PRKG2: variants seen among roughly 807,000 people sequenced by gnomAD.
The protein encoded by PRKG2 is protein kinase cGMP-dependent 2.
Under a neutral mutation model 97.2 loss-of-function variants are expected in PRKG2, and 33 were observed. That is an observed-to-expected ratio of 0.34 (90% confidence interval 0.26 to 0.45). PRKG2 has a LOEUF of 0.45. Ranked by LOEUF, PRKG2 falls within the 20% of genes least tolerant of loss-of-function variation. The pLI is 1.00. For synonymous variants in PRKG2, 330 were observed against 321.8 expected (o/e 1.03, Z -0.27); for missense variants, 638 against 900.0 (o/e 0.71, Z 3.73).
At chr4:81,180,504 A>G (rs1291864768) in intron 2 of PRKG2, among the ~76,000 whole-genome samples, 3 of 152,204 alleles carry the variant, frequency 2.0e-5, no homozygotes, top group African/African-American at 2.4e-5. Context: ...ACAGGAAAGT[A>G]GACCTTAATA....
At chr4:81,150,946 C>G (rs1038456481) in intron 8 of PRKG2, among the ~76,000 whole-genome samples, 1 of 152,050 alleles carries the variant, frequency 6.6e-6, no homozygotes, top group East Asian at 1.9e-4. Context: ...CTTTAAATCC[C>G]ACTTTTAAAT....
chr4:81,205,737 C>A (rs34465103), intron 1 of PRKG2, among the ~76,000 whole-genome samples: 128 of 152,252 alleles, frequency 8.4e-4, no homozygotes, highest in African/African-American at 3.0e-3. Context: ...CCAAAATGTA[C>A]GACCCATGCT....
At chr4:81,157,924 G>A (rs932693728) in intron 6 of PRKG2, among the ~76,000 whole-genome samples, 8 of 147,146 alleles carry the variant, frequency 5.4e-5, no homozygotes, top group East Asian at 3.9e-4. Flanking sequence ...TTGATGGGAC[G>A]TATCTCAAAA....
intron 6 of PRKG2, among the ~76,000 whole-genome samples, chr4:81,165,153 A>G (rs760945043): frequency 1.3e-5 from 2 of 152,160 alleles, no homozygotes; most frequent in Non-Finnish European, 2.9e-5. Context: ...ACACAAGAAG[A>G]GGCTTAAAGG....
At chr4:81,165,922 G>C (rs1425067515) in intron 6 of PRKG2, among the ~76,000 whole-genome samples, 3 of 151,154 alleles carry the variant, frequency 2.0e-5, no homozygotes, top group Non-Finnish European at 4.4e-5. Flanking sequence ...AGATTTCCTT[G>C]GTTAACAAAA....
chr4:81,099,751 T>C (rs2109957705), intron 17 of PRKG2, among the ~76,000 whole-genome samples: 1 of 152,172 alleles, frequency 6.6e-6, no homozygotes, highest in Admixed American at 6.6e-5. Context: ...GGTATTCAAT[T>C]AGGAAAAGAG....
intron 14 of PRKG2, among the ~76,000 whole-genome samples, chr4:81,116,778 G>A (rs1303227227): frequency 1.3e-5 from 2 of 151,714 alleles, no homozygotes; most frequent in Non-Finnish European, 2.9e-5. Context: ...GTGATGTTGA[G>A]CATTTTTTTC....
chr4:81,186,819 A>G (rs1751924715), intron 2 of PRKG2, among the ~76,000 whole-genome samples: 1 of 152,184 alleles, frequency 6.6e-6, no homozygotes, highest in Admixed American at 6.5e-5. Context: ...CATAAATACA[A>G]ACTACCATCA....
At chr4:81,205,109 A>ACAGTCCCCACCATTCCTC in intron 1 of PRKG2, 49 bp from the exon 2 acceptor site, 1 of 1,155,602 alleles carries the variant, frequency 8.7e-7, no homozygotes, top group South Asian at 1.6e-5. Flanking sequence ...TCACTTCCCA[A>ACAGTCCCCACCATTCCTC]CAGTCCCCAC....
Position 81,204,570 on chromosome 4 carries a change from A to G in PRKG2, c.461+17T>C. The G allele has an allele frequency of 6.2e-7, 1 of 1,601,616 alleles. No individual in the cohort carries two copies. Among genetic ancestry groups the G allele is most frequent in the Non-Finnish European group, 8.5e-7 (1 of 1,172,302 alleles). Reference sequence around the variant, plus strand: ...TATTAAGCCCATCTGAGTTTAAAGGATGCGGAAATTTCTTACCTGGAGTCT... The same window carrying G: ...TATTAAGCCCATCTGAGTTTAAAGGGTGCGGAAATTTCTTACCTGGAGTCT... On this transcript the variant is annotated intron_variant, in intron 2 of 18. Transcript: ENST00000264399.
At chr4:81,151,344 T>G (rs1335091052) in intron 8 of PRKG2, among the ~76,000 whole-genome samples, 1 of 152,082 alleles carries the variant, frequency 6.6e-6, no homozygotes, top group African/African-American at 2.4e-5. Flanking sequence ...TGATCAGACT[T>G]GAGGTTTTAT....
At chr4:81,128,283 T>G (rs570191339) in intron 14 of PRKG2, among the ~76,000 whole-genome samples, 9 of 152,214 alleles carry the variant, frequency 5.9e-5, no homozygotes, top group Non-Finnish European at 1.2e-4. Flanking sequence ...GATATTAGCC[T>G]GAAATTTTCT....
chr4:81,214,197 C>A (rs1026974912), intron 1 of PRKG2, among the ~76,000 whole-genome samples: 3 of 150,692 alleles, frequency 2.0e-5, no homozygotes, highest in African/African-American at 7.3e-5. Context: ...AAGGAAAAAG[C>A]CCCTGGGAAC....
intron 6 of PRKG2, among the ~76,000 whole-genome samples, chr4:81,166,275 G>A (rs1353071294): frequency 1.3e-5 from 2 of 152,024 alleles, no homozygotes; most frequent in South Asian, 2.1e-4. Flanking sequence ...ACAGAGGCAT[G>A]AATCTGTCAA....
At chr4:81,144,389 A>G (rs957059580) in intron 9 of PRKG2, 59 bp from the exon 10 acceptor site, 4 of 1,361,504 alleles carry the variant, frequency 2.9e-6, no homozygotes, top group East Asian at 2.3e-5. Flanking sequence ...GCAACTTGAC[A>G]TTCTTCTAAG....
chr4:81,110,357 T>G (rs1179923012), intron 15 of PRKG2, 91 bp downstream of exon 15: 15 of 1,343,318 alleles, frequency 1.1e-5, no homozygotes, highest in Admixed American at 2.4e-5. Flanking sequence ...TTCAAAATGT[T>G]ACGCTCTTAA....
Position 81,092,426 on chromosome 4 carries a change from C to G in PRKG2, c.2153G>C (p.Gly718Ala), listed in dbSNP as rs1292504383. 2.5e-6 allele frequency: 4 copies of G among 1,589,984 alleles called. No homozygotes were observed. The highest frequency in any genetic ancestry group is 3.4e-6 in the Non-Finnish European group (4 of 1,164,916). Reference protein sequence around the residue: ...HRWLNGFNWEGLKARSLPSPL... With the variant: ...HRWLNGFNWEALKARSLPSPL... ...TGATGGAAGGCTCCGTGCTTTCAGTCCCTCCCAATTAAAACCATTTAACCA... is the reference window on the plus strand; with the variant it reads ...TGATGGAAGGCTCCGTGCTTTCAGTGCCTCCCAATTAAAACCATTTAACCA... Residue 718 changes from glycine (G) to alanine (A), a missense_variant, in exon 18 of 19, where the codon GGA becomes GCA. Gly to Ala is a moderately conservative substitution (Grantham distance 60, BLOSUM62 0). Transcript: ENST00000264399.
At chr4:81,163,493 A>G (rs1273945790) in intron 6 of PRKG2, among the ~76,000 whole-genome samples, 3 of 152,282 alleles carry the variant, frequency 2.0e-5, no homozygotes, top group East Asian at 3.9e-4. Context: ...GCAGGTACAC[A>G]TATTTATACA....
chr4:81,165,570 G>A (rs1476854918), intron 6 of PRKG2, among the ~76,000 whole-genome samples: 11 of 142,594 alleles, frequency 7.7e-5, no homozygotes, highest in South Asian at 4.4e-4. Flanking sequence ...CATTACTCTC[G>A]TTAATCACTT....
Sources: gnomAD v4.1 joint callset for allele counts (sites outside exome capture counted in the v4.1 genomes callset) on GRCh38, gnomAD v4.1.1 for gene constraint, MANE v1.5 for transcripts, NCBI Gene and HGNC (gene_info 2026-07-23, HGNC 2026-07-21) for gene names.